RAB3GAP2: variants seen among roughly 807,000 people sequenced by gnomAD.
The protein encoded by RAB3GAP2 is RAB3 GTPase activating non-catalytic protein subunit 2, also known as rab3 GTPase-activating protein non-catalytic subunit.
A neutral mutation model predicts 185.3 loss-of-function variants in RAB3GAP2; 87 were observed. The ratio of observed to expected loss-of-function variants is 0.47; its 90% CI spans 0.39 to 0.56. The LOEUF is 0.56. Ranked by LOEUF, RAB3GAP2 falls within the 20% of genes least tolerant of loss-of-function variation. RAB3GAP2 has a pLI of 0.00. For missense variants in RAB3GAP2, 1,492 were observed against 1,638.2 expected (o/e 0.91, Z 1.54); for synonymous variants, 554 against 576.1 (o/e 0.96, Z 0.55).
intron 2 of RAB3GAP2, among the ~76,000 whole-genome samples, chr1:220,216,243 T>C (rs1386028150): frequency 6.6e-6 from 1 of 152,180 alleles, no homozygotes; most frequent in South Asian, 2.1e-4. Flanking sequence ...AGGGAGAACA[T>C]AACATTGGCA....
rs540363888 is a variant in RAB3GAP2, at chr1:220,171,907, G to T, written c.2559C>A (p.Asn853Lys). ...VGHSVAAQIS[N>K]NMTEKKFSQT... The stretch of plus-strand genomic sequence containing the variant: ...CACTTACTTTTTTCTCTGTCATGTT[G>T]TTTGATATCTGTGCAGCAACAGAAT... The change falls in exon 23 of 35, where the codon AAC becomes AAA. Residue 853 changes from asparagine to lysine, a missense_variant. Physicochemically the swap from Asn to Lys is moderately conservative, Grantham distance 94 (BLOSUM62 0). Around this residue, in one of 5 missense-constraint regions of RAB3GAP2, gnomAD observed 681 missense variants for 689.1 expected, o/e 0.99. Coordinates refer to ENST00000358951, the MANE Select transcript of RAB3GAP2 (RefSeq NM_012414.4). The T allele has an allele frequency of 2.5e-6, 4 of 1,614,000 alleles. No individual in the cohort carries two copies. The highest frequency in any genetic ancestry group is 1.7e-5 in the Admixed American group (1 of 60,006).
chr1:220,217,102 T>C (rs1309076834), intron 2 of RAB3GAP2, among the ~76,000 whole-genome samples: 1 of 152,100 alleles, frequency 6.6e-6, no homozygotes, highest in Non-Finnish European at 1.5e-5. Flanking sequence ...AGCCATAGAA[T>C]TAGTGTCAGA....
At chr1:220,244,122 T>G (rs1449676395) in intron 1 of RAB3GAP2, among the ~76,000 whole-genome samples, 1 of 152,188 alleles carries the variant, frequency 6.6e-6, no homozygotes, top group Admixed American at 6.5e-5. Flanking sequence ...GTAAAAGTGT[T>G]GCTGTTCACT....
chr1:220,263,738 CT>C (rs1356632016), intron 1 of RAB3GAP2, among the ~76,000 whole-genome samples: 9 of 151,946 alleles, frequency 5.9e-5, no homozygotes, highest in Non-Finnish European at 1.0e-4. Context: ...TAACTTGTTT[CT>C]TCTTTTCCAA....
At chr1:220,167,896 C>T (rs1044719308) in intron 24 of RAB3GAP2, among the ~76,000 whole-genome samples, 2 of 152,122 alleles carry the variant, frequency 1.3e-5, no homozygotes, top group Non-Finnish European at 2.9e-5. Flanking sequence ...CATCCTTATA[C>T]TCTCAGAAAA....
chr1:220,263,980 C>T (rs901350314), intron 1 of RAB3GAP2, among the ~76,000 whole-genome samples: 8 of 151,684 alleles, frequency 5.3e-5, no homozygotes, highest in African/African-American at 1.9e-4. Context: ...ACTATTATTA[C>T]TTTTTAAAAC....
chr1:220,196,467 C>T (rs1197275940), intron 9 of RAB3GAP2, 69 bp from the exon 10 acceptor site: 4 of 1,390,318 alleles, frequency 2.9e-6, no homozygotes, highest in Non-Finnish European at 4.1e-6. Context: ...ACTTCAGTTC[C>T]ATTCTAAGAT....
chr1:220,236,000 T>C (rs1014496298), intron 1 of RAB3GAP2, among the ~76,000 whole-genome samples: 2 of 152,156 alleles, frequency 1.3e-5, no homozygotes, highest in African/African-American at 2.4e-5. Context: ...CAAGTCAAGA[T>C]AAAGGAAGGT....
intron 8 of RAB3GAP2, among the ~76,000 whole-genome samples, chr1:220,203,898 A>G (rs1353538802): frequency 1.3e-5 from 2 of 152,180 alleles, no homozygotes; most frequent in African/African-American, 4.8e-5. Flanking sequence ...GCAATATAAG[A>G]TGCTGCATTT....
intron 8 of RAB3GAP2, 75 bp from the exon 9 acceptor site, chr1:220,202,449 T>C: frequency 1.4e-6 from 2 of 1,440,918 alleles, no homozygotes; most frequent in African/African-American, 1.4e-5. Context: ...ATTAAAACCA[T>C]ACTAATTTGT....
At chr1:220,233,705 T>C (rs1659541851) in intron 1 of RAB3GAP2, among the ~76,000 whole-genome samples, 1 of 152,120 alleles carries the variant, frequency 6.6e-6, no homozygotes, top group East Asian at 1.9e-4. Context: ...ATAAAGTGTA[T>C]GTGTTTTTTT....
At chr1:220,224,134 A>C (rs1659362191) in intron 2 of RAB3GAP2, among the ~76,000 whole-genome samples, 1 of 152,196 alleles carries the variant, frequency 6.6e-6, no homozygotes, top group Admixed American at 6.5e-5. Context: ...TATATCATTT[A>C]ATCCTCATGG....
At chr1:220,232,942 T>C in intron 1 of RAB3GAP2, 79 bp from the exon 2 acceptor site, 3 of 1,198,246 alleles carry the variant, frequency 2.5e-6, no homozygotes, top group Non-Finnish European at 2.5e-6. Flanking sequence ...CTAAACATCA[T>C]AGAACCAACC....
chr1:220,224,191 G>A (rs1317875239), intron 2 of RAB3GAP2, among the ~76,000 whole-genome samples: 2 of 152,040 alleles, frequency 1.3e-5, no homozygotes, highest in Non-Finnish European at 2.9e-5. Context: ...TTAGAAATGA[G>A]GTAACTGAAC....
intron 21 of RAB3GAP2, among the ~76,000 whole-genome samples, chr1:220,180,970 T>C (rs1379113826): frequency 1.3e-5 from 2 of 152,206 alleles, no homozygotes; most frequent in African/African-American, 2.4e-5. Flanking sequence ...GTTCCATCTA[T>C]ACTGAACATG....
chr1:220,210,411 G>A lies in RAB3GAP2; in HGVS notation c.589C>T (p.Arg197Ter), dbSNP rs766210399. Residue 197 changes from arginine (R) to a stop codon, truncating the protein, a stop_gained, in exon 7 of 35, where the codon CGA becomes TGA. Coordinates refer to ENST00000358951, the MANE Select transcript of RAB3GAP2 (RefSeq NM_012414.4). LOFTEE classifies it high-confidence loss of function. ...ACCTGCTCAGTCACGCCGGGATGTC[G>A]TGGTATTTCATAGGTTCTGCATTTA... ...QLKCRTYEIP[R>*]HPGVTEQNEE... 4 of 1,614,010 alleles carry A rather than the reference G, an allele frequency of 2.5e-6. No individual in the cohort carries two copies. The highest frequency in any genetic ancestry group is 1.3e-5 in the African/African-American group (1 of 75,030).
chr1:220,271,933 G>C (rs1397568005), intron 1 of RAB3GAP2, among the ~76,000 whole-genome samples: 1 of 113,844 alleles, frequency 8.8e-6, no homozygotes, highest in Non-Finnish European at 1.7e-5. Context: ...TGGGGGTGGG[G>C]GGAGGGAGGG....
At chr1:220,204,756 T>G in intron 8 of RAB3GAP2, among the ~76,000 whole-genome samples, 1 of 99,288 alleles carries the variant, frequency 1.0e-5, no homozygotes. Flanking sequence ...CCCACAACAG[T>G]CCCCGGAGTG....
chr1:220,195,015 A>T, intron 12 of RAB3GAP2, 63 bp downstream of exon 12: 1 of 1,466,600 alleles, frequency 6.8e-7, no homozygotes, highest in South Asian at 1.1e-5. Context: ...GCACACGGAA[A>T]GACCATACAT....
Sources: gnomAD v4.1 joint callset for allele counts (sites outside exome capture counted in the v4.1 genomes callset) on GRCh38, gnomAD v4.1.1 for gene constraint, gnomAD v4.1.1 regional missense constraint, MANE v1.5 for transcripts, NCBI Gene and HGNC (gene_info 2026-07-23, HGNC 2026-07-21) for gene names.